Variants in CECR2 observed in about 807,000 individuals in gnomAD.
CECR2 encodes chromatin remodeling regulator CECR2.
A neutral mutation model predicts 154.5 loss-of-function variants in CECR2; 30 were observed. The ratio of observed to expected loss-of-function variants is 0.19; its 90% confidence interval spans 0.15 to 0.26. The LOEUF (loss-of-function observed/expected upper bound fraction) is 0.26. CECR2 is among the 10% of genes least tolerant of loss of function. The pLI, the probability that CECR2 is intolerant of heterozygous loss-of-function variation, is 1.00. For missense variants in CECR2, 1,743 were observed against 1,829.3 expected (o/e 0.95, Z 0.86); for synonymous variants, 725 against 683.7 (o/e 1.06, Z -0.94).
intron 14 of CECR2, among the ~76,000 whole-genome samples, chr22:17,541,501 A>C (rs1404753006): frequency 6.6e-6 from 1 of 152,254 alleles, no homozygotes; most frequent in African/African-American, 2.4e-5. Flanking sequence ...TACATGTAGT[A>C]CATGAATGTA....
At chr22:17,538,207 G>A (rs932435931) in intron 10 of CECR2, among the ~76,000 whole-genome samples, 1 of 152,306 alleles carries the variant, frequency 6.6e-6, no homozygotes, top group Admixed American at 6.5e-5. Flanking sequence ...AACAGAGCAA[G>A]ATCCTGTCTC....
chr22:17,527,221 G>A (rs1188754406), intron 9 of CECR2, among the ~76,000 whole-genome samples: 2 of 152,224 alleles, frequency 1.3e-5, no homozygotes, highest in East Asian at 3.8e-4. Context: ...ACTTTGGGAG[G>A]CCAAGGCTGG....
chr22:17,500,208 CA>C (rs5844315), intron 4 of CECR2, among the ~76,000 whole-genome samples: 69,299 of 114,932 alleles, frequency 0.6, 19,395 homozygotes, highest in East Asian at 0.83. Context: ...GAGACTCCAT[CA>C]AAAAAAAAAA....
At chr22:17,510,964 G>A (rs1489651730) in intron 7 of CECR2, among the ~76,000 whole-genome samples, 11 of 152,190 alleles carry the variant, frequency 7.2e-5, no homozygotes, top group Non-Finnish European at 1.5e-5. Context: ...TGGCTTTGCG[G>A]TATGTTTAAG....
At chr22:17,433,497 G>T (rs981216359) in intron 1 of CECR2, among the ~76,000 whole-genome samples, 1 of 152,140 alleles carries the variant, frequency 6.6e-6, no homozygotes, top group Non-Finnish European at 1.5e-5. Context: ...CCAGGCTGGA[G>T]TACAGTGCCT....
chr22:17,544,343 A>G (rs889515472), intron 16 of CECR2, among the ~76,000 whole-genome samples: 3 of 151,428 alleles, frequency 2.0e-5, no homozygotes, highest in Non-Finnish European at 4.4e-5. Flanking sequence ...CTAAAAATAC[A>G]AAAAATTAGC....
At chr22:17,464,461 G>A (rs546499751) in intron 1 of CECR2, among the ~76,000 whole-genome samples, 1 of 152,218 alleles carries the variant, frequency 6.6e-6, no homozygotes, top group Admixed American at 6.5e-5. Context: ...ACCAACATTT[G>A]TTATGCTTAT....
At chr22:17,518,537 T>G (rs78914) in intron 8 of CECR2, 162,424 of 266,234 alleles carry the variant, frequency 0.61, 50,277 homozygotes, top group African/African-American at 0.73. Flanking sequence ...TTTGTCAATA[T>G]GGACTTCTAG....
chr22:17,386,451 T>G (rs1450087203), intron 1 of CECR2, among the ~76,000 whole-genome samples: 1 of 152,216 alleles, frequency 6.6e-6, no homozygotes, highest in Non-Finnish European at 1.5e-5. Context: ...GGTGTTGTAT[T>G]GAAGAGGTCA....
At chr22:17,385,931 A>G (rs2063254682) in intron 1 of CECR2, among the ~76,000 whole-genome samples, 1 of 152,196 alleles carries the variant, frequency 6.6e-6, no homozygotes, top group African/African-American at 2.4e-5. Context: ...GGGTGGGAGC[A>G]TGTGATGAAG....
At chr22:17,500,478 T>A (rs1057354110) in intron 4 of CECR2, among the ~76,000 whole-genome samples, 153 bp from the exon 5 acceptor site, 1 of 152,218 alleles carries the variant, frequency 6.6e-6, no homozygotes, top group African/African-American at 2.4e-5. Context: ...ATCCACAGTC[T>A]AATAATGAAG....
chr22:17,492,539 G>T (rs1233834650), intron 2 of CECR2, among the ~76,000 whole-genome samples: 1 of 152,108 alleles, frequency 6.6e-6, no homozygotes, highest in African/African-American at 2.4e-5. Flanking sequence ...GTTTGGAAAG[G>T]TTGTTGACTC....
intron 15 of CECR2, 92 bp downstream of exon 15, chr22:17,542,059 G>A: frequency 6.4e-7 from 1 of 1,568,938 alleles, no homozygotes; most frequent in Non-Finnish European, 8.6e-7. Context: ...GTTGTTCATT[G>A]CGTCCTTTCC....
intron 8 of CECR2, among the ~76,000 whole-genome samples, chr22:17,517,572 C>T (rs936838389): frequency 6.6e-6 from 1 of 152,244 alleles, no homozygotes; most frequent in East Asian, 1.9e-4. Context: ...TAGACCAACA[C>T]TGCTCTACAA....
At chr22:17,457,809 A>G (rs1053619113) in intron 1 of CECR2, among the ~76,000 whole-genome samples, 10 of 152,196 alleles carry the variant, frequency 6.6e-5, no homozygotes, top group African/African-American at 1.4e-4. Context: ...TCCATAGACT[A>G]CTCCTCAGCA....
At chr22:17,509,505 T>C (rs1390123900) in intron 7 of CECR2, among the ~76,000 whole-genome samples, 1 of 151,680 alleles carries the variant, frequency 6.6e-6, no homozygotes, top group Non-Finnish European at 1.5e-5. Context: ...TCATAGCTCA[T>C]TGTAACCTTG....
intron 1 of CECR2, among the ~76,000 whole-genome samples, chr22:17,370,656 C>G (rs2063048453): frequency 3.3e-5 from 5 of 152,158 alleles, no homozygotes; most frequent in East Asian, 1.9e-4. Context: ...GCTGGCCATT[C>G]TGGCCAGGCC....
rs2054547625 is a variant in CECR2, at chr22:17,439,078, T to A, written c.127-38510T>A. 2.0e-5 allele frequency among the ~76,000 whole-genome samples: 3 copies of A among 152,024 alleles called. No homozygotes were observed. In the South Asian group the frequency reaches 6.2e-4, roughly 32 times the overall value. ...CTAGCATTAATTCTGAAAATTAATG[T>A]GTACTACTTGCTAGATATTTTTTCT... On this transcript the variant is annotated intron_variant, in intron 1 of 18. Coordinates refer to ENST00000262608, the MANE Select transcript of CECR2 (RefSeq NM_001290047.2).
At chr22:17,529,133 T>G (rs537108180) in intron 9 of CECR2, among the ~76,000 whole-genome samples, 2 of 152,202 alleles carry the variant, frequency 1.3e-5, no homozygotes, top group South Asian at 2.1e-4. Context: ...ATTTGACATT[T>G]AAATAAAGTG....
Sources: allele counts gnomAD v4.1 joint callset (sites outside exome capture counted in the v4.1 genomes callset), GRCh38; gene constraint gnomAD v4.1.1; transcripts MANE v1.5; gene names NCBI Gene and HGNC (gene_info 2026-07-23, HGNC 2026-07-21).